The following DPP10 variants were observed in gnomAD, a reference collection of about 807,000 sequenced individuals.
The protein encoded by DPP10 is dipeptidyl peptidase like 10.
A neutral mutation model predicts 120.9 loss-of-function variants in DPP10; 33 were observed. The observed-to-expected ratio is 0.27, with a 90% confidence interval of 0.21 to 0.37. DPP10 has a LOEUF of 0.37. Ranked by LOEUF, DPP10 falls within the 10% of genes least tolerant of loss-of-function variation. DPP10 has a pLI of 1.00. For synonymous variants in DPP10, 337 were observed against 326.1 expected (o/e 1.03, Z -0.36); for missense variants, 816 against 942.8 (o/e 0.87, Z 1.76).
intron 1 of DPP10, among the ~76,000 whole-genome samples, chr2:115,190,628 G>A (rs551188281): frequency 4.8e-4 from 73 of 152,232 alleles, no homozygotes; most frequent in African/African-American, 1.7e-3. Flanking sequence ...GATGGCCCTC[G>A]GGGGCTGACC....
At chr2:115,410,309 A>G (rs999229010) in intron 3 of DPP10, among the ~76,000 whole-genome samples, 2 of 152,214 alleles carry the variant, frequency 1.3e-5, no homozygotes, top group African/African-American at 4.8e-5. Context: ...CATAAAAAGG[A>G]ATGAGATCGC....
chr2:115,655,954 T>G (rs2088278576), intron 5 of DPP10, among the ~76,000 whole-genome samples: 1 of 151,568 alleles, frequency 6.6e-6, no homozygotes, highest in Admixed American at 6.6e-5. Flanking sequence ...GAATGATGGT[T>G]GCCAGGGACT....
rs1020327996 is a variant in DPP10 at position 114,808,526 on chromosome 2, A to C, written c.60+365688A>C. Among the ~76,000 whole-genome samples the C allele has an allele frequency of 2.1e-4, 32 of 151,198 alleles. 1 individual carries two copies. Among genetic ancestry groups the C allele is most frequent in the Admixed American group, 1.7e-3 (25 of 15,150 alleles). On this transcript the variant is annotated intron_variant, in intron 1 of 25. Transcript: ENST00000410059. ...GGAACACTCTTGCCAACACAAACTGAGATTTTCGGAATCTAACTTTTTTTT... is the reference window on the plus strand; with the variant it reads ...GGAACACTCTTGCCAACACAAACTGCGATTTTCGGAATCTAACTTTTTTTT...
intron 11 of DPP10, among the ~76,000 whole-genome samples, chr2:115,758,960 C>T (rs1679767337): frequency 6.6e-6 from 1 of 152,076 alleles, no homozygotes; most frequent in Admixed American, 6.6e-5. Context: ...AATTTAAGAG[C>T]TAATACTGTC....
At chr2:115,498,611 G>A (rs780178442) in intron 3 of DPP10, among the ~76,000 whole-genome samples, 1 of 150,904 alleles carries the variant, frequency 6.6e-6, no homozygotes, top group Non-Finnish European at 1.5e-5. Context: ...GGGTAAAATT[G>A]GGTAAAAAGA....
chr2:114,685,666 C>T (rs1280059962), intron 1 of DPP10, among the ~76,000 whole-genome samples: 3 of 151,938 alleles, frequency 2.0e-5, no homozygotes, highest in Non-Finnish European at 4.4e-5. Context: ...TATACACATG[C>T]TCTAATTAAA....
At chr2:114,996,556 C>T (rs1701098257) in intron 1 of DPP10, among the ~76,000 whole-genome samples, 1 of 151,942 alleles carries the variant, frequency 6.6e-6, no homozygotes, top group African/African-American at 2.4e-5. Context: ...TTTTTACTGG[C>T]TTTATAGTTT....
At chr2:115,467,841 A>C (rs1318329460) in intron 3 of DPP10, among the ~76,000 whole-genome samples, 2 of 152,202 alleles carry the variant, frequency 1.3e-5, no homozygotes, top group Non-Finnish European at 2.9e-5. Flanking sequence ...CTTTGTGTTC[A>C]GGAATGATTA....
intron 5 of DPP10, among the ~76,000 whole-genome samples, chr2:115,582,539 A>G (rs758866446): frequency 5.3e-5 from 8 of 152,130 alleles, no homozygotes; most frequent in Non-Finnish European, 7.4e-5. Context: ...GTCACCTGAC[A>G]TTTCTGGGAG....
At chr2:115,108,876 G>A (rs2049075512) in intron 1 of DPP10, among the ~76,000 whole-genome samples, 1 of 152,084 alleles carries the variant, frequency 6.6e-6, no homozygotes, top group Non-Finnish European at 1.5e-5. Context: ...GAGAAATATA[G>A]GAGACTGGTT....
chr2:115,381,806 C>T (rs1466060254), intron 3 of DPP10, among the ~76,000 whole-genome samples: 2 of 150,996 alleles, frequency 1.3e-5, no homozygotes, highest in Non-Finnish European at 2.9e-5. Context: ...GTTGGAGTAC[C>T]CGGCCCTGTG....
chr2:115,426,869 A>T (rs1327913337), intron 3 of DPP10, among the ~76,000 whole-genome samples: 1 of 152,240 alleles, frequency 6.6e-6, no homozygotes, highest in Non-Finnish European at 1.5e-5. Context: ...TCCAAAGTTT[A>T]AAATCTCATC....
intron 2 of DPP10, among the ~76,000 whole-genome samples, chr2:115,315,184 G>C (rs1574393774): frequency 1.7e-5 from 2 of 119,588 alleles, no homozygotes; most frequent in Non-Finnish European, 3.7e-5. Context: ...CTATTGTTAA[G>C]ACAACAGATT....
chr2:114,497,439 A>C lies in DPP10; in HGVS notation c.60+54601A>C, dbSNP rs115200708. On this transcript the variant is annotated intron_variant, in intron 1 of 25. Coordinates refer to ENST00000410059, the MANE Select transcript of DPP10 (RefSeq NM_020868.6). ...CATATGCATCTATATATATATGCATATATATAGATGCATCTATTTTATAGA... is the reference window on the plus strand; with the variant it reads ...CATATGCATCTATATATATATGCATCTATATAGATGCATCTATTTTATAGA... Among the ~76,000 whole-genome samples, 525 of 150,456 alleles carry C rather than the reference A, an allele frequency of 3.5e-3. 1 individual carries two copies. Among genetic ancestry groups the C allele is most frequent in the African/African-American group, 0.012 (495 of 40,740 alleles).
At chr2:114,786,471 G>T (rs1176229442) in intron 1 of DPP10, among the ~76,000 whole-genome samples, 1 of 152,152 alleles carries the variant, frequency 6.6e-6, no homozygotes, top group African/African-American at 2.4e-5. Context: ...ATGGAGCCAT[G>T]GTGTATTTTG....
chr2:114,938,903 G>A lies in DPP10; in HGVS notation c.61-370336G>A, dbSNP rs143916795. On this transcript the variant is annotated intron_variant, in intron 1 of 25. Transcript: ENST00000410059. ...TTTAATCAAAGTTATTAGTCCTTGG[G>A]GAGAGATTTCTAGCTTTTGATATTA... 5.9e-5 allele frequency among the ~76,000 whole-genome samples: 9 copies of A among 151,482 alleles called. No individual in the cohort carries two copies. In the East Asian group the frequency reaches 1.6e-3, roughly 26 times the overall value.
At chr2:115,141,069 A>G (rs995151605) in intron 1 of DPP10, among the ~76,000 whole-genome samples, 1 of 152,208 alleles carries the variant, frequency 6.6e-6, no homozygotes, top group Non-Finnish European at 1.5e-5. Flanking sequence ...AGTTAGAGCA[A>G]GAAGGTAGGG....
At chr2:115,185,188 A>G (rs1173986774) in intron 1 of DPP10, among the ~76,000 whole-genome samples, 2 of 152,074 alleles carry the variant, frequency 1.3e-5, no homozygotes, top group East Asian at 3.9e-4. Flanking sequence ...AACGCACAGC[A>G]CGTTAACTCC....
chr2:115,269,921 A>G (rs958172224), intron 1 of DPP10, among the ~76,000 whole-genome samples: 1 of 152,096 alleles, frequency 6.6e-6, no homozygotes, highest in African/African-American at 2.4e-5. Context: ...TGAGGTTGTA[A>G]AGTGGCTATA....
Sources: gnomAD v4.1 joint callset for allele counts (sites outside exome capture counted in the v4.1 genomes callset) on GRCh38, gnomAD v4.1.1 for gene constraint, MANE v1.5 for transcripts, NCBI Gene and HGNC (gene_info 2026-07-23, HGNC 2026-07-21) for gene names.